FRMD4B: variants seen among roughly 807,000 people sequenced by gnomAD.
FRMD4B encodes FERM domain containing 4B, also known as FERM domain-containing protein 4B.
In FRMD4B, 74 loss-of-function variants were observed where a neutral mutation model predicts 141.5. The ratio of observed to expected loss-of-function variants is 0.52; its 90% CI spans 0.43 to 0.63. The LOEUF is 0.63. FRMD4B is among the 30% of genes least tolerant of loss of function. FRMD4B has a pLI of 0.00. For missense variants in FRMD4B, 1,366 were observed against 1,253.4 expected (o/e 1.09, Z -1.36); for synonymous variants, 506 against 467.9 (o/e 1.08, Z -1.05).
chr3:69,511,515 G>A (rs1706686653), intron 1 of FRMD4B, among the ~76,000 whole-genome samples: 1 of 152,070 alleles, frequency 6.6e-6, no homozygotes, highest in African/African-American at 2.4e-5. Context: ...CACATGTGGT[G>A]GCCATGGAAA....
chr3:69,239,067 C>T (rs2093364376), intron 7 of FRMD4B, among the ~76,000 whole-genome samples: 1 of 152,150 alleles, frequency 6.6e-6, no homozygotes, highest in Non-Finnish European at 1.5e-5. Context: ...TTATAATAAA[C>T]TGCCTGGGAA....
At chr3:69,484,269 C>T (rs748410307) in intron 1 of FRMD4B, among the ~76,000 whole-genome samples, 18 of 152,144 alleles carry the variant, frequency 1.2e-4, no homozygotes, top group Admixed American at 2.0e-4. Flanking sequence ...ATTGACTGCC[C>T]GGTCAGATTC....
intron 2 of FRMD4B, among the ~76,000 whole-genome samples, chr3:69,429,986 C>T (rs1026871458): frequency 6.6e-6 from 1 of 151,932 alleles, no homozygotes; most frequent in Non-Finnish European, 1.5e-5. Flanking sequence ...GTCTCAAACT[C>T]CTGACCTCAA....
At chr3:69,459,584 T>C (rs1403230622) in intron 1 of FRMD4B, among the ~76,000 whole-genome samples, 1 of 152,210 alleles carries the variant, frequency 6.6e-6, no homozygotes, top group African/African-American at 2.4e-5. Flanking sequence ...ACACACTGAT[T>C]AAAAACTCTG....
At chr3:69,470,482 C>T (rs1351320488) in intron 1 of FRMD4B, among the ~76,000 whole-genome samples, 1 of 150,388 alleles carries the variant, frequency 6.6e-6, no homozygotes, top group Admixed American at 6.6e-5. Flanking sequence ...TTTGGTATGT[C>T]CAAAGAACAA....
At chr3:69,352,243 T>A (rs1905474) in intron 1 of FRMD4B, among the ~76,000 whole-genome samples, 45,407 of 151,914 alleles carry the variant, frequency 0.3, 7,803 homozygotes, top group Non-Finnish European at 0.39. Context: ...TAGGTCACCA[T>A]AATGTCACTC....
At position 69,213,646 on chromosome 3, in the gene FRMD4B, C is replaced by T. The variant is rs1252964833; in HGVS notation, c.876+2617G>A. Among the ~76,000 whole-genome samples, 3 of 137,338 alleles carry T rather than the reference C, an allele frequency of 2.2e-5. No individual in the cohort carries two copies. The Admixed American group carries it at 2.5e-4, about 11-fold the overall frequency. The allele number at this position is 137,338 out of a possible 152,430, so 90.1% of individuals were successfully genotyped here. On this transcript the variant is annotated intron_variant, in intron 11 of 22. Coordinates refer to ENST00000398540, the MANE Select transcript of FRMD4B (RefSeq NM_015123.3). The stretch of plus-strand genomic sequence containing the variant: ...CCTCTACTGCTTGTTGAATGATGCG[C>T]TGTTGTTTTCATTGATTTTTTTTTT...
At chr3:69,429,197 A>G (rs1198728069) in intron 2 of FRMD4B, among the ~76,000 whole-genome samples, 1 of 152,244 alleles carries the variant, frequency 6.6e-6, no homozygotes, top group Non-Finnish European at 1.5e-5. Flanking sequence ...TTTTGCTATT[A>G]TAACAATGCT....
At chr3:69,288,142 A>G (rs546257612) in intron 4 of FRMD4B, among the ~76,000 whole-genome samples, 29 of 152,270 alleles carry the variant, frequency 1.9e-4, no homozygotes, top group Non-Finnish European at 3.5e-4. Flanking sequence ...TCTTTGAAAC[A>G]TGTTCTGGGA....
At chr3:69,351,045 CT>C (rs1703129675) in intron 1 of FRMD4B, among the ~76,000 whole-genome samples, 1 of 151,784 alleles carries the variant, frequency 6.6e-6, no homozygotes, top group African/African-American at 2.4e-5. Context: ...GTGTGCATAC[CT>C]TTACAGCCTG....
chr3:69,494,639 C>T (rs1201135346), intron 1 of FRMD4B, among the ~76,000 whole-genome samples: 1 of 152,138 alleles, frequency 6.6e-6, no homozygotes, highest in South Asian at 2.1e-4. Flanking sequence ...TACATGTAAT[C>T]CCAGCACTTT....
At chr3:69,300,018 C>A (rs1329207562) in intron 4 of FRMD4B, among the ~76,000 whole-genome samples, 1 of 152,122 alleles carries the variant, frequency 6.6e-6, no homozygotes, top group African/African-American at 2.4e-5. Flanking sequence ...AACAGGCAAC[C>A]TGGAGATTTG....
At chr3:69,174,311 T>C (rs2092620705) in intron 22 of FRMD4B, among the ~76,000 whole-genome samples, 1 of 152,170 alleles carries the variant, frequency 6.6e-6, no homozygotes, top group African/African-American at 2.4e-5. Flanking sequence ...TTAAAACACA[T>C]GGGAACATGG....
At chr3:69,369,129 A>G (rs901153970) in intron 1 of FRMD4B, among the ~76,000 whole-genome samples, 2 of 152,236 alleles carry the variant, frequency 1.3e-5, no homozygotes, top group Non-Finnish European at 1.5e-5. Context: ...TTTAAAAGTA[A>G]TGCTGAAGGT....
At chr3:69,188,133 T>C (rs910818877) in intron 18 of FRMD4B, among the ~76,000 whole-genome samples, 1 of 152,202 alleles carries the variant, frequency 6.6e-6, no homozygotes, top group African/African-American at 2.4e-5. Context: ...TTCTGGGACC[T>C]GAACCATCTT....
At chr3:69,478,211 C>T (rs1348690429) in intron 1 of FRMD4B, among the ~76,000 whole-genome samples, 1 of 152,028 alleles carries the variant, frequency 6.6e-6, no homozygotes, top group Non-Finnish European at 1.5e-5. Context: ...TCCTTCAGTT[C>T]TGCTCTGATT....
At chr3:69,207,890 C>T (rs981222763) in intron 11 of FRMD4B, among the ~76,000 whole-genome samples, 1 of 152,088 alleles carries the variant, frequency 6.6e-6, no homozygotes, top group African/African-American at 2.4e-5. Context: ...GCAGCATCTT[C>T]CATTTCTACA....
At chr3:69,311,478 G>T in intron 2 of FRMD4B, 121 bp from the exon 3 acceptor site, 1 of 594,692 alleles carries the variant, frequency 1.7e-6, no homozygotes, top group Non-Finnish European at 3.1e-6. Flanking sequence ...TTTATTACTT[G>T]CCCTTGTTTG....
intron 20 of FRMD4B, among the ~76,000 whole-genome samples, chr3:69,182,015 AAAAAAC>A (rs958517284): frequency 2.6e-5 from 4 of 151,964 alleles, no homozygotes; most frequent in Non-Finnish European, 5.9e-5. Context: ...AGCCTGGAAA[AAAAAAC>A]AAAAACAAAA....
Sources: allele counts gnomAD v4.1 joint callset (sites outside exome capture counted in the v4.1 genomes callset), GRCh38; gene constraint gnomAD v4.1.1; transcripts MANE v1.5; gene names NCBI Gene and HGNC (gene_info 2026-07-23, HGNC 2026-07-21).